Variants in SHROOM3 observed in about 807,000 individuals in gnomAD.
SHROOM3 encodes the protein shroom family member 3, also known as protein Shroom3.
A neutral mutation model predicts 138.6 loss-of-function variants in SHROOM3; 47 were observed. The observed-to-expected ratio is 0.34, with a 90% CI of 0.27 to 0.43. The LOEUF (loss-of-function observed/expected upper bound fraction) is 0.43. SHROOM3 is among the 20% of genes least tolerant of loss of function. The pLI is 1.00. For missense variants in SHROOM3, 2,491 were observed against 2,596.5 expected, an observed-to-expected ratio of 0.96 and a Z score of 0.88; for synonymous variants, 1,062 against 1,063.3, an observed-to-expected ratio of 1.00 and a Z score of 0.02.
intron 7 of SHROOM3, 111 bp downstream of exon 7, chr4:76,755,303 A>T: frequency 2.3e-6 from 3 of 1,300,300 alleles, no homozygotes; most frequent in Non-Finnish European, 3.2e-6. Context: ...AGATGTTTCT[A>T]TACAGCTCAG....
Position 76,779,154 on chromosome 4 carries a change from C to T in SHROOM3, c.5968C>T (p.Pro1990Ser). 6.2e-7 allele frequency: 1 copy of T among 1,611,216 alleles called. No individual in the cohort carries two copies. The highest frequency in any genetic ancestry group is 8.5e-7 in the Non-Finnish European group (1 of 1,178,156). The part of the protein sequence containing the change: ...AGGCTFSGIF[P>S]TLTSPL ...GGGCTGTACTTTCAGTGGTATTTTC[C>T]CAACATTAACCTCTCCACTTTAACC... is the stretch of plus-strand genomic sequence containing the variant. The change falls in exon 11 of 11, where the codon CCA (proline) becomes TCA (serine). Residue 1990 changes from proline to serine, a missense_variant. By Grantham distance (74) the Pro-to-Ser change is moderately conservative (BLOSUM62 -1). Around this residue, in one of 4 missense-constraint regions of SHROOM3, gnomAD observed 470 missense variants for 595.0 expected, o/e 0.79. Transcript: ENST00000296043.
chr4:76,717,248 T>C (rs1295189423), intron 3 of SHROOM3, among the ~76,000 whole-genome samples: 1 of 152,226 alleles, frequency 6.6e-6, no homozygotes, highest in African/African-American at 2.4e-5. Context: ...GTTTTTCCCA[T>C]CTGGCTTCTT....
chr4:76,741,923 C>T lies in SHROOM3; in HGVS notation c.3750C>T (p.Arg1250=). ...SRSSPATADK[R]QDVLLGQDSG... is the part of the protein sequence containing the mutation. ...CATCTCCCGCCACCGCAGACAAGCG[C>T]CAGGTACGTGCAACCAGCAAGTCCT... The change falls in exon 5 of 11, where the codon CGC becomes CGT. Residue 1250 remains arginine (R), a synonymous_variant. Coordinates refer to ENST00000296043, the MANE Select transcript of SHROOM3 (RefSeq NM_020859.4). This position sits in a 1 kb window ranked among gnomAD's most constrained non-coding sequence, Gnocchi z 6.2. The T allele has an allele frequency of 6.2e-7, 1 of 1,612,252 alleles. No individual in the cohort carries two copies. Among genetic ancestry groups the T allele is most frequent in the Non-Finnish European group, 8.5e-7 (1 of 1,179,926 alleles).
chr4:76,702,363 A>C (rs190910868), intron 2 of SHROOM3, among the ~76,000 whole-genome samples: 1 of 152,260 alleles, frequency 6.6e-6, no homozygotes, highest in South Asian at 2.1e-4. Flanking sequence ...AATCTGGTAC[A>C]TACCATGTGC....
At chr4:76,623,222 A>G (rs1190734586) in intron 2 of SHROOM3, among the ~76,000 whole-genome samples, 1 of 152,046 alleles carries the variant, frequency 6.6e-6, no homozygotes, top group Non-Finnish European at 1.5e-5. Context: ...TATAACAGGT[A>G]TCTCCTGCTG....
intron 1 of SHROOM3, among the ~76,000 whole-genome samples, chr4:76,471,522 A>G (rs566113373): frequency 4.3e-4 from 66 of 152,266 alleles, no homozygotes; most frequent in Non-Finnish European, 8.2e-4. Flanking sequence ...GATTACAGGC[A>G]TGAGCCACCG....
chr4:76,770,962 C>T (rs1043107944), intron 10 of SHROOM3, 64 bp downstream of exon 10: 28 of 1,576,488 alleles, frequency 1.8e-5, no homozygotes, highest in Middle Eastern at 1.7e-4. Flanking sequence ...TAGAGAGGCG[C>T]CATTAGACGC....
intron 2 of SHROOM3, among the ~76,000 whole-genome samples, chr4:76,643,237 T>C (rs1735725767): frequency 6.7e-6 from 1 of 149,106 alleles, no homozygotes; most frequent in South Asian, 2.1e-4. Flanking sequence ...AAAAGAATGA[T>C]GGCTAAACTC....
At chr4:76,575,434 A>G (rs1480847067) in intron 2 of SHROOM3, 1 of 152,218 alleles carries the variant, frequency 6.6e-6, no homozygotes, top group Non-Finnish European at 1.5e-5. Flanking sequence ...AGATAAGATG[A>G]TCTTATATTT....
At chr4:76,712,668 T>C (rs1431297635) in intron 3 of SHROOM3, among the ~76,000 whole-genome samples, 1 of 152,230 alleles carries the variant, frequency 6.6e-6, no homozygotes, top group Admixed American at 6.5e-5. Flanking sequence ...CAGACATCAC[T>C]CCTGCTCTTG....
intron 3 of SHROOM3, among the ~76,000 whole-genome samples, chr4:76,727,898 G>A (rs192005676): frequency 1.2e-5 from 1 of 84,308 alleles, no homozygotes; most frequent in African/African-American, 3.9e-5. Context: ...AAAAAAAAAG[G>A]TTGATTCAAC....
chr4:76,701,939 T>G (rs905797461), intron 2 of SHROOM3, among the ~76,000 whole-genome samples: 2 of 152,204 alleles, frequency 1.3e-5, no homozygotes, highest in Admixed American at 1.3e-4. Flanking sequence ...TAAGGCTAAT[T>G]TTACTATTAT....
At chr4:76,555,884 G>A (rs1733474998) in intron 2 of SHROOM3, 121 bp downstream of exon 2, 3 of 1,079,166 alleles carry the variant, frequency 2.8e-6, no homozygotes, top group Admixed American at 2.1e-5. Flanking sequence ...TCCATGTATG[G>A]ATCCTGCCTT....
intron 10 of SHROOM3, among the ~76,000 whole-genome samples, chr4:76,773,705 CCA>C (rs1305976592): frequency 4.6e-5 from 7 of 152,176 alleles, no homozygotes; most frequent in African/African-American, 1.7e-4. Flanking sequence ...GGGATACATG[CCA>C]CAGTTTCTTT....
At chr4:76,549,088 G>T (rs893571967) in intron 1 of SHROOM3, among the ~76,000 whole-genome samples, 1 of 152,208 alleles carries the variant, frequency 6.6e-6, no homozygotes, top group African/African-American at 2.4e-5. Flanking sequence ...GGAGTTAGAA[G>T]AGTCTAAATC....
chr4:76,572,966 C>CA (rs1733861644), intron 2 of SHROOM3, among the ~76,000 whole-genome samples: 1 of 151,938 alleles, frequency 6.6e-6, no homozygotes, highest in East Asian at 1.9e-4. Context: ...CCTGTAGTCC[C>CA]AGCTGCTTGG....
intron 1 of SHROOM3, among the ~76,000 whole-genome samples, chr4:76,455,650 G>T (rs898332436): frequency 1.3e-5 from 2 of 152,020 alleles, no homozygotes; most frequent in Admixed American, 1.3e-4. Context: ...AAGGGTCAAA[G>T]AATATATAGA....
At position 76,505,406 on chromosome 4, in the gene SHROOM3, G is replaced by C. The variant is rs76565261; in HGVS notation, c.169-50203G>C. On this transcript the variant is annotated intron_variant, in intron 1 of 10. Transcript: ENST00000296043. The stretch of plus-strand genomic sequence containing the variant: ...TGCATTTTTAAAGATGTACACTTCT[G>C]TTTTGACTCAGCTCTGGGACCCAAC... Among the ~76,000 whole-genome samples, 1,318 of 152,204 alleles carry C rather than the reference G, an allele frequency of 8.7e-3. 17 individuals carry two copies. Among genetic ancestry groups the C allele is most frequent in the African/African-American group, 0.029 (1,210 of 41,516 alleles).
In SHROOM3 at chr4:76,493,542, G is replaced by C. The variant is rs147901962; in HGVS notation, c.168+57322G>C. On this transcript the variant is annotated intron_variant, in intron 1 of 10. Coordinates refer to ENST00000296043, the MANE Select transcript of SHROOM3 (RefSeq NM_020859.4). ...TCCTGGGAGGGGCTGAGTAGGTTCG[G>C]CTAAAGGTGAGGGGAGTGAAGGGAC... 5.3e-3 allele frequency among the ~76,000 whole-genome samples: 814 copies of C among 152,272 alleles called. 8 individuals carry two copies. The highest frequency in any genetic ancestry group is 0.019 in the African/African-American group (782 of 41,558).
Sources: allele counts gnomAD v4.1 joint callset (sites outside exome capture counted in the v4.1 genomes callset), GRCh38; gene constraint gnomAD v4.1.1; regional missense constraint gnomAD v4.1.1; non-coding constraint Gnocchi (gnomAD v3.1); transcripts MANE v1.5; gene names NCBI Gene and HGNC (gene_info 2026-07-23, HGNC 2026-07-21).